Variants in HECW2 observed in about 807,000 individuals in gnomAD.
HECW2 encodes E3 ubiquitin-protein ligase HECW2.
In HECW2, 61 loss-of-function variants were observed where a neutral mutation model predicts 175.2. That is an observed-to-expected ratio of 0.35 (90% CI 0.28 to 0.43). The LOEUF (loss-of-function observed/expected upper bound fraction) is 0.43. Among genes scored for constraint, HECW2 ranks in the 20% least tolerant of loss-of-function variants. The pLI is 1.00. For missense variants in HECW2, 1,524 were observed against 2,000.5 expected (o/e 0.76, Z 4.54); for synonymous variants, 671 against 731.0 (o/e 0.92, Z 1.32).
intron 3 of HECW2, among the ~76,000 whole-genome samples, chr2:196,335,845 T>C (rs1692531267): frequency 6.6e-6 from 1 of 152,190 alleles, no homozygotes; most frequent in Non-Finnish European, 1.5e-5. Context: ...CAGGAAGCAA[T>C]GTGCCAGAAA....
intron 1 of HECW2, among the ~76,000 whole-genome samples, chr2:196,579,001 A>G (rs1690664806): frequency 6.6e-6 from 1 of 152,190 alleles, no homozygotes; most frequent in African/African-American, 2.4e-5. Context: ...ACAATTGCAT[A>G]AAGCAATTAT....
At position 196,324,934 on chromosome 2, in the gene HECW2, C is replaced by A. The variant is rs1445563776; in HGVS notation, c.741+46G>T. ...GTCTCAAGGAAAGAGAGAGACTGGG[C>A]TGACTTCCTCACCATCAAGTAGGAG... On this transcript the variant is annotated intron_variant, in intron 6 of 28. Coordinates refer to ENST00000644978, the MANE Select transcript of HECW2 (RefSeq NM_001348768.2). The A allele has an allele frequency of 2.0e-6, 3 of 1,469,162 alleles. No individual in the cohort carries two copies. In the African/African-American group the frequency reaches 4.3e-5, roughly 21 times the overall value. The allele number at this position is 1,469,162 out of a possible 1,614,324, so 91.0% of individuals were successfully genotyped here.
intron 1 of HECW2, among the ~76,000 whole-genome samples, chr2:196,522,179 C>T (rs1420155646): frequency 1.3e-5 from 2 of 152,034 alleles, no homozygotes; most frequent in Non-Finnish European, 2.9e-5. Flanking sequence ...GCCATTCTAA[C>T]TGGTGTGAGA....
At chr2:196,413,116 G>T (rs1180158556) in intron 2 of HECW2, among the ~76,000 whole-genome samples, 1 of 152,162 alleles carries the variant, frequency 6.6e-6, no homozygotes, top group Non-Finnish European at 1.5e-5. Context: ...AGTTTGGGAG[G>T]CCCAGGCTGG....
At chr2:196,423,383 G>A (rs1422895997) in intron 2 of HECW2, among the ~76,000 whole-genome samples, 2 of 152,042 alleles carry the variant, frequency 1.3e-5, no homozygotes, top group Admixed American at 6.6e-5. Flanking sequence ...ATTTACTAAT[G>A]TGTCTAACTA....
chr2:196,479,609 T>C (rs1476859118), intron 1 of HECW2, among the ~76,000 whole-genome samples: 2 of 152,202 alleles, frequency 1.3e-5, no homozygotes, highest in African/African-American at 4.8e-5. Flanking sequence ...GAGTCTCCAC[T>C]CAATGCTTAA....
intron 1 of HECW2, among the ~76,000 whole-genome samples, chr2:196,484,143 T>C (rs1686928594): frequency 6.6e-6 from 1 of 152,218 alleles, no homozygotes; most frequent in Admixed American, 6.5e-5. Flanking sequence ...TAATAGTTGT[T>C]GCTTCATTAA....
intron 13 of HECW2, among the ~76,000 whole-genome samples, chr2:196,303,529 T>A (rs1426825018): frequency 6.6e-6 from 1 of 152,196 alleles, no homozygotes; most frequent in Non-Finnish European, 1.5e-5. Context: ...TGTCAATCCA[T>A]CTGATCCCGG....
In HECW2 at chr2:196,272,419, T is replaced by G. The variant is rs142449521; in HGVS notation, c.3239-1130A>C. Among the ~76,000 whole-genome samples, 49 of 152,364 alleles carry G rather than the reference T, an allele frequency of 3.2e-4. No individual in the cohort carries two copies. In the East Asian group the frequency reaches 8.3e-3, roughly 26 times the overall value. On this transcript the variant is annotated intron_variant, in intron 16 of 28. Coordinates refer to ENST00000644978, the MANE Select transcript of HECW2 (RefSeq NM_001348768.2). ...TTTGTTTACTTAAGATGATTCATCTTGATTATATTTGTTGATAATCATAAA... is the reference window on the plus strand; with the variant it reads ...TTTGTTTACTTAAGATGATTCATCTGGATTATATTTGTTGATAATCATAAA...
chr2:196,571,388 T>C (rs1559181323), intron 1 of HECW2, among the ~76,000 whole-genome samples: 1 of 152,110 alleles, frequency 6.6e-6, no homozygotes, highest in Non-Finnish European at 1.5e-5. Flanking sequence ...TCTGAGCAAA[T>C]CATTAAGTCT....
intron 10 of HECW2, among the ~76,000 whole-genome samples, chr2:196,315,184 G>C (rs1691648122): frequency 7.0e-6 from 1 of 142,072 alleles, no homozygotes; most frequent in Non-Finnish European, 1.5e-5. Flanking sequence ...GTGTGTGTGT[G>C]TGTGTGCATA....
intron 1 of HECW2, among the ~76,000 whole-genome samples, chr2:196,512,285 G>A (rs572549930): frequency 6.6e-5 from 10 of 152,266 alleles, no homozygotes; most frequent in East Asian, 1.9e-4. Context: ...AAGACTATAC[G>A]GGGCAAATAA....
intron 1 of HECW2, among the ~76,000 whole-genome samples, chr2:196,510,640 A>G (rs1336230694): frequency 6.6e-6 from 1 of 151,256 alleles, no homozygotes; most frequent in Non-Finnish European, 1.5e-5. Context: ...AAAGACACTG[A>G]TTTTTTTAAG....
Position 196,201,280 on chromosome 2 carries a change from C to T in HECW2, c.4716G>A (p.Glu1572=), listed in dbSNP as rs1686848223. 1 of 1,607,016 alleles carries T rather than the reference C, an allele frequency of 6.2e-7. No individual in the cohort carries two copies. Among genetic ancestry groups the T allele is most frequent in the Non-Finnish European group, 8.5e-7 (1 of 1,173,606 alleles). ...AVEETSTFGL[E] is the part of the protein sequence containing the mutation. ...AGATGGGCATTCAGCTTCCAGGTCA[C>T]TCAAGTCCAAAAGTACTGGTTTCTT... is the stretch of plus-strand genomic sequence containing the variant. Residue 1572 remains glutamate, a synonymous_variant, in exon 29 of 29, where the codon GAG becomes GAA. Coordinates refer to ENST00000644978, the MANE Select transcript of HECW2 (RefSeq NM_001348768.2).
At chr2:196,456,806 T>C (rs1696530994) in intron 1 of HECW2, among the ~76,000 whole-genome samples, 1 of 152,150 alleles carries the variant, frequency 6.6e-6, no homozygotes, top group Admixed American at 6.6e-5. Flanking sequence ...AAGCAAAACA[T>C]ACCAATTCAA....
intron 3 of HECW2, among the ~76,000 whole-genome samples, chr2:196,334,839 G>A (rs1216106292): frequency 2.0e-5 from 3 of 152,318 alleles, no homozygotes; most frequent in East Asian, 1.9e-4. Context: ...TATGTCTCAC[G>A]TTCATGTTGT....
At chr2:196,204,254 T>C (rs1225481236) in intron 28 of HECW2, among the ~76,000 whole-genome samples, 1 of 152,226 alleles carries the variant, frequency 6.6e-6, no homozygotes, top group Non-Finnish European at 1.5e-5. Flanking sequence ...TTTTTCATAG[T>C]GGCTGCAACA....
intron 1 of HECW2, among the ~76,000 whole-genome samples, chr2:196,463,208 G>A (rs1435699613): frequency 6.6e-6 from 1 of 152,186 alleles, no homozygotes. Flanking sequence ...AGAAGCAGCA[G>A]TAATTATTGT....
rs1696327648 is a variant in HECW2 at position 196,450,907 on chromosome 2, C to T, written c.-35-17449G>A. 2.6e-5 allele frequency among the ~76,000 whole-genome samples: 4 copies of T among 152,138 alleles called. 1 individual carries two copies. The South Asian group carries it at 8.3e-4, about 32-fold the overall frequency. ...CCCAAGTTAGACCAAATAACTGACA[C>T]TATCTCTCCAAGTATATCCAAATTT... On this transcript the variant is annotated intron_variant, in intron 1 of 28. Coordinates refer to ENST00000644978, the MANE Select transcript of HECW2 (RefSeq NM_001348768.2).
Sources: gnomAD v4.1 joint callset for allele counts (sites outside exome capture counted in the v4.1 genomes callset) on GRCh38, gnomAD v4.1.1 for gene constraint, MANE v1.5 for transcripts, NCBI Gene and HGNC (gene_info 2026-07-23, HGNC 2026-07-21) for gene names.